The following EFNA1 variants were observed in gnomAD, a reference collection of about 807,000 sequenced individuals.
EFNA1 encodes ephrin-A1.
Under a neutral mutation model 23.2 loss-of-function variants are expected in EFNA1, and 8 were observed. That is an observed-to-expected ratio of 0.34 (90% CI 0.20 to 0.62). The LOEUF (loss-of-function observed/expected upper bound fraction) is 0.62, where lower values mean the gene tolerates loss of function less well. EFNA1 is among the 20% of genes least tolerant of loss of function. The pLI is 0.75. For synonymous variants in EFNA1, 89 were observed against 98.6 expected, an observed-to-expected ratio of 0.90 and a Z score of 0.58; for missense variants, 217 against 260.0, an observed-to-expected ratio of 0.83 and a Z score of 1.14.
chr1:155,128,150 G>A, intron 1 of EFNA1, 81 bp downstream of exon 1: 1 of 1,295,500 alleles, frequency 7.7e-7, no homozygotes, highest in Non-Finnish European at 1.1e-6. Context: ...GCCAAACCCT[G>A]AGCTGAGCCT....
intron 2 of EFNA1, among the ~76,000 whole-genome samples, chr1:155,132,438 G>C (rs1323640838): frequency 6.6e-6 from 1 of 151,730 alleles, no homozygotes; most frequent in African/African-American, 2.4e-5. Flanking sequence ...AGTAGAGATG[G>C]GGTTTCACCA....
At position 155,133,788 on chromosome 1, in the gene EFNA1, G is replaced by T. The variant is rs763506729; in HGVS notation, c.505+8G>T. 1 of 1,614,154 alleles carries T rather than the reference G, an allele frequency of 6.2e-7. No individual in the cohort carries two copies. The highest frequency in any genetic ancestry group is 8.5e-7 in the Non-Finnish European group (1 of 1,180,026). The stretch of plus-strand genomic sequence containing the variant: ...AGAAGAGACTTGCAGCAGGTGGGTA[G>T]CTGGAGCAAACTGGGCCTGGGGCAC... On this transcript the variant is annotated splice_region_variant and intron_variant, in intron 4 of 4. Transcript: ENST00000368407.
chr1:155,133,466 AG>A, intron 2 of EFNA1, 36 bp from the exon 3 acceptor site: 2 of 1,613,008 alleles, frequency 1.2e-6, no homozygotes, highest in Non-Finnish European at 1.7e-6. Context: ...CTTCCAGCAA[AG>A]GTTTCTTATT....
intron 2 of EFNA1, among the ~76,000 whole-genome samples, chr1:155,132,040 A>G (rs1432805702): frequency 6.6e-6 from 1 of 152,006 alleles, no homozygotes; most frequent in African/African-American, 2.4e-5. Flanking sequence ...CTGGCCAGGC[A>G]TGAAGGCACA....
intron 1 of EFNA1, among the ~76,000 whole-genome samples, chr1:155,128,802 G>T (rs1368108753): frequency 6.6e-6 from 1 of 152,198 alleles, no homozygotes; most frequent in Non-Finnish European, 1.5e-5. Context: ...TCCTGGGCAG[G>T]TTTAGGGCTG....
intron 1 of EFNA1, among the ~76,000 whole-genome samples, chr1:155,129,261 G>A (rs1387040427): frequency 2.6e-5 from 4 of 152,112 alleles, no homozygotes; most frequent in Admixed American, 6.5e-5. Context: ...CCCTGTTTAT[G>A]CCCATGCCAG....
In EFNA1 at chr1:155,133,770, A is replaced by G; in HGVS notation, c.495A>G (p.Arg165=). 1.2e-6 allele frequency: 2 copies of G among 1,614,122 alleles called. No homozygotes were observed. Among genetic ancestry groups the G allele is most frequent in the Non-Finnish European group, 1.7e-6 (2 of 1,180,012 alleles). ...PQAHDNPQEK[R]LAADDPEVRV... is the part of the protein sequence containing the mutation. ...CCCATGACAATCCACAGGAGAAGAG[A>G]CTTGCAGCAGGTGGGTAGCTGGAGC... The change falls in exon 4 of 5, where the codon AGA becomes AGG. Residue 165 remains arginine, a synonymous_variant. Coordinates refer to ENST00000368407, the MANE Select transcript of EFNA1 (RefSeq NM_004428.3).
chr1:155,133,611 G>T, intron 3 of EFNA1, 43 bp downstream of exon 3: 1 of 1,612,140 alleles, frequency 6.2e-7, no homozygotes, highest in Non-Finnish European at 8.5e-7. Context: ...CCATCTCTAT[G>T]CTGGGTGCGG....
In EFNA1 at chr1:155,134,096, G is replaced by C; in HGVS notation, c.*29G>C. Reference sequence around the variant, plus strand: ...TGTATGCCACACCTGGCCTTAAAGAGGGACAGGCTGAAGAGAGGGACAGGC... The same window carrying C: ...TGTATGCCACACCTGGCCTTAAAGACGGACAGGCTGAAGAGAGGGACAGGC... On this transcript the variant is annotated 3_prime_UTR_variant, in exon 5 of 5. Transcript: ENST00000368407. The C allele has an allele frequency of 6.2e-7, 1 of 1,605,154 alleles. No individual in the cohort carries two copies. Among genetic ancestry groups the C allele is most frequent in the Non-Finnish European group, 8.5e-7 (1 of 1,174,866 alleles).
chr1:155,130,562 A>T (rs1664218289), intron 1 of EFNA1: 1 of 984,874 alleles, frequency 1.0e-6, no homozygotes, highest in African/African-American at 1.8e-5. Flanking sequence ...CCAGCATTTC[A>T]TCTAGGGGGA....
At chr1:155,130,459 T>TGGGAGGAGGG (rs1443227013) in intron 1 of EFNA1, 2 of 867,396 alleles carry the variant, frequency 2.3e-6, no homozygotes, top group Non-Finnish European at 2.7e-6. Context: ...GGCTCCACCT[T>TGGGAGGAGGG]GGGAGGAGGG....
chr1:155,130,536 G>A (rs1664218036), intron 1 of EFNA1: 1 of 985,006 alleles, frequency 1.0e-6, no homozygotes, highest in Non-Finnish European at 1.2e-6. Context: ...GCTGTCTCAA[G>A]CTCAAGCTCA....
intron 4 of EFNA1, 63 bp from the exon 5 acceptor site, chr1:155,133,892 C>T (rs1664305082): frequency 6.2e-7 from 1 of 1,604,530 alleles, no homozygotes; most frequent in Middle Eastern, 1.7e-4. Context: ...TCCTGTTGGG[C>T]TGAGAGCCAG....
chr1:155,130,695 G>T, intron 1 of EFNA1: 1 of 985,338 alleles, frequency 1.0e-6, no homozygotes, highest in Non-Finnish European at 1.2e-6. Flanking sequence ...GGGGCTGAAT[G>T]AATTGATGAG....
chr1:155,130,795 G>C (rs1444970894), intron 1 of EFNA1: 1 of 985,376 alleles, frequency 1.0e-6, no homozygotes, highest in East Asian at 1.1e-4. Context: ...GGAAATGTGA[G>C]ATCTACTCAG....
At chr1:155,130,623 T>C in intron 1 of EFNA1, 1 of 985,054 alleles carries the variant, frequency 1.0e-6, no homozygotes, top group Non-Finnish European at 1.2e-6. Context: ...TTTGGGGTGC[T>C]CTGAGAAGGG....
intron 1 of EFNA1, 147 bp from the exon 2 acceptor site, chr1:155,131,192 A>G: frequency 7.5e-7 from 1 of 1,341,430 alleles, no homozygotes; most frequent in South Asian, 1.5e-5. Context: ...AGACATCAAG[A>G]TCAGTACATA....
intron 1 of EFNA1, chr1:155,130,574 G>A: frequency 1.0e-6 from 1 of 985,310 alleles, no homozygotes; most frequent in Non-Finnish European, 1.2e-6. Context: ...CTAGGGGGAG[G>A]TGGAAGTGTG....
At chr1:155,133,370 T>C (rs1272648928) in intron 2 of EFNA1, 133 bp from the exon 3 acceptor site, 15 of 990,610 alleles carry the variant, frequency 1.5e-5, no homozygotes, top group Non-Finnish European at 2.3e-5. Flanking sequence ...CTAAGGAGGG[T>C]AGGAATCAAG....
Sources: gnomAD v4.1 joint callset for allele counts (sites outside exome capture counted in the v4.1 genomes callset) on GRCh38, gnomAD v4.1.1 for gene constraint, MANE v1.5 for transcripts, NCBI Gene and HGNC (gene_info 2026-07-23, HGNC 2026-07-21) for gene names.